The following ARHGEF3 variants were observed in gnomAD, a reference collection of about 807,000 sequenced individuals.
ARHGEF3 encodes 59.8 kDA protein.
In ARHGEF3, 28 loss-of-function variants were observed where a neutral mutation model predicts 63.2. The observed-to-expected ratio is 0.44, with a 90% CI of 0.33 to 0.61. The LOEUF (loss-of-function observed/expected upper bound fraction) is 0.61. Among genes scored for constraint, ARHGEF3 ranks in the 20% least tolerant of loss-of-function variants. ARHGEF3 has a pLI of 0.03. For synonymous variants in ARHGEF3, 266 were observed against 254.2 expected (o/e 1.05, Z -0.44); for missense variants, 533 against 659.3 (o/e 0.81, Z 2.10).
chr3:56,913,398 G>A (rs976392611), intron 3 of ARHGEF3, among the ~76,000 whole-genome samples: 10 of 152,104 alleles, frequency 6.6e-5, no homozygotes, highest in Admixed American at 5.9e-4. Context: ...TAATGCACAC[G>A]AAGAGATGCT....
At chr3:56,893,031 C>G (rs183263829) in intron 3 of ARHGEF3, among the ~76,000 whole-genome samples, 182 of 152,304 alleles carry the variant, frequency 1.2e-3, no homozygotes, top group African/African-American at 3.9e-3. Context: ...AAAGGACATT[C>G]CTTTAAATAA....
chr3:56,821,062 C>T (rs2038470226), intron 4 of ARHGEF3, among the ~76,000 whole-genome samples: 1 of 151,706 alleles, frequency 6.6e-6, no homozygotes, highest in African/African-American at 2.4e-5. Flanking sequence ...ACCTGGGAGG[C>T]ACCTGAGCCT....
chr3:56,922,684 G>A (rs1218049251), intron 3 of ARHGEF3, among the ~76,000 whole-genome samples: 8 of 152,108 alleles, frequency 5.3e-5, no homozygotes, highest in Non-Finnish European at 7.4e-5. Flanking sequence ...GATAATTTCT[G>A]GGAAAAACCA....
At chr3:56,976,203 G>C (rs1470632994) in intron 2 of ARHGEF3, among the ~76,000 whole-genome samples, 1 of 152,076 alleles carries the variant, frequency 6.6e-6, no homozygotes, top group Admixed American at 6.6e-5. Context: ...CACCACACCT[G>C]GCTAATTTTT....
At chr3:56,815,262 A>G (rs2108017699) in intron 4 of ARHGEF3, among the ~76,000 whole-genome samples, 1 of 152,330 alleles carries the variant, frequency 6.6e-6, no homozygotes, top group Non-Finnish European at 1.5e-5. Flanking sequence ...TGAACCATAT[A>G]ACAAGGTGAT....
chr3:56,926,700 C>T (rs1255056016), intron 3 of ARHGEF3, among the ~76,000 whole-genome samples: 1 of 152,210 alleles, frequency 6.6e-6, no homozygotes, highest in African/African-American at 2.4e-5. Flanking sequence ...AGGAATTCCC[C>T]AGCTACTTGA....
chr3:56,840,008 C>G (rs1210051499), intron 4 of ARHGEF3, among the ~76,000 whole-genome samples: 2 of 152,114 alleles, frequency 1.3e-5, no homozygotes, highest in Non-Finnish European at 2.9e-5. Flanking sequence ...TCATCTTGGC[C>G]GTGTGTCATC....
At chr3:56,916,662 C>T (rs1163332986) in intron 3 of ARHGEF3, among the ~76,000 whole-genome samples, 2 of 152,210 alleles carry the variant, frequency 1.3e-5, no homozygotes, top group African/African-American at 4.8e-5. Flanking sequence ...CACTGGGTCC[C>T]CACCAAAAGC....
At chr3:56,759,410 C>T (rs982016480) in intron 2 of ARHGEF3, among the ~76,000 whole-genome samples, 1 of 152,194 alleles carries the variant, frequency 6.6e-6, no homozygotes, top group African/African-American at 2.4e-5. Context: ...ACCTCGTGAT[C>T]CGCCTGCCTT....
chr3:56,903,257 A>G lies in ARHGEF3; in HGVS notation c.130-20903T>C, dbSNP rs368914255. On this transcript the variant is annotated intron_variant, in intron 3 of 12. Transcript: ENST00000338458. ...CACACTCTGGGATTGGCAAAATTGA[A>G]AAGTCTGATAATATGAAGGTTTGGA... is the stretch of plus-strand genomic sequence containing the variant. 1.7e-4 allele frequency among the ~76,000 whole-genome samples: 26 copies of G among 152,326 alleles called. No homozygotes were observed. In the East Asian group the frequency reaches 4.8e-3, roughly 28 times the overall value.
intron 4 of ARHGEF3, among the ~76,000 whole-genome samples, chr3:56,834,022 G>A (rs965180770): frequency 4.0e-5 from 6 of 151,396 alleles, no homozygotes; most frequent in African/African-American, 1.5e-4. Flanking sequence ...TCCTGCCTCA[G>A]TCTCCTGAGT....
At chr3:56,968,887 A>T (rs1486197918) in intron 2 of ARHGEF3, among the ~76,000 whole-genome samples, 1 of 152,196 alleles carries the variant, frequency 6.6e-6, no homozygotes, top group East Asian at 1.9e-4. Context: ...TGAACAGCAC[A>T]GTTATAGAAA....
intron 3 of ARHGEF3, among the ~76,000 whole-genome samples, chr3:56,928,731 C>T (rs2042338749): frequency 6.6e-6 from 1 of 152,122 alleles, no homozygotes; most frequent in South Asian, 2.1e-4. Context: ...TGAACTGCCA[C>T]CTAAGGAAAA....
At chr3:57,036,084 A>C (rs1403289485) in intron 1 of ARHGEF3, among the ~76,000 whole-genome samples, 1 of 152,154 alleles carries the variant, frequency 6.6e-6, no homozygotes, top group South Asian at 2.1e-4. Flanking sequence ...AGGTGAGGCC[A>C]AACTCTTTTT....
At chr3:56,956,176 T>G (rs1026176530) in intron 3 of ARHGEF3, among the ~76,000 whole-genome samples, 13 of 152,146 alleles carry the variant, frequency 8.5e-5, no homozygotes, top group Non-Finnish European at 1.6e-4. Context: ...CATTGAACTC[T>G]GAAACCCACT....
intron 4 of ARHGEF3, among the ~76,000 whole-genome samples, chr3:56,809,773 C>T (rs2037997991): frequency 6.6e-6 from 1 of 151,648 alleles, no homozygotes. Context: ...CACTTTGTCA[C>T]CCAGGCTGGA....
intron 3 of ARHGEF3, among the ~76,000 whole-genome samples, chr3:56,897,390 T>A (rs1023197003): frequency 6.6e-6 from 1 of 152,164 alleles, no homozygotes; most frequent in African/African-American, 2.4e-5. Flanking sequence ...GAACTCTGGT[T>A]CCCTTTAGTG....
intron 3 of ARHGEF3, among the ~76,000 whole-genome samples, chr3:56,919,732 C>T (rs1246764149): frequency 6.6e-6 from 1 of 152,268 alleles, no homozygotes; most frequent in South Asian, 2.1e-4. Context: ...TGAGCACTTA[C>T]CATGTATTTT....
intron 4 of ARHGEF3, among the ~76,000 whole-genome samples, chr3:56,752,093 T>G (rs1578413090): frequency 6.8e-6 from 1 of 146,932 alleles, no homozygotes; most frequent in African/African-American, 2.6e-5. Flanking sequence ...TTTTTTTTTT[T>G]GTACTTTTTA....
Sources: gnomAD v4.1 joint callset for allele counts (sites outside exome capture counted in the v4.1 genomes callset) on GRCh38, gnomAD v4.1.1 for gene constraint, MANE v1.5 for transcripts, NCBI Gene and HGNC (gene_info 2026-07-23, HGNC 2026-07-21) for gene names.